The following SLCO6A1 variants were observed in gnomAD, a reference collection of about 807,000 sequenced individuals.
The protein encoded by SLCO6A1 is cancer/testis antigen 48.
In SLCO6A1, 65 loss-of-function variants were observed where a neutral mutation model predicts 72.7. That is an observed-to-expected ratio of 0.89 (90% CI 0.73 to 1.10). SLCO6A1 has a LOEUF of 1.10. Ranked by LOEUF, SLCO6A1 falls within the 50% of genes least tolerant of loss-of-function variation. The pLI, the probability that SLCO6A1 is intolerant of heterozygous loss-of-function variation, is 0.00. For missense variants in SLCO6A1, 874 were observed against 872.6 expected (o/e 1.00, Z -0.02); for synonymous variants, 314 against 298.2 (o/e 1.05, Z -0.55).
intron 4 of SLCO6A1, among the ~76,000 whole-genome samples, chr5:102,475,208 G>C (rs1482057947): frequency 6.6e-6 from 1 of 152,002 alleles, no homozygotes; most frequent in Non-Finnish European, 1.5e-5. Context: ...AAAAATGAAT[G>C]AATAAAGCCA....
At chr5:102,403,501 A>C (rs1747509014) in intron 9 of SLCO6A1, among the ~76,000 whole-genome samples, 2 of 152,192 alleles carry the variant, frequency 1.3e-5, no homozygotes, top group Admixed American at 6.5e-5. Flanking sequence ...TAAAAGAACA[A>C]AGTGCATAAA....
In SLCO6A1 at chr5:102,399,852, T is replaced by C. The variant is rs1747305161; in HGVS notation, c.1627-110A>G. 15 of 677,302 alleles carry C rather than the reference T, an allele frequency of 2.2e-5. No individual in the cohort carries two copies. The South Asian group carries it at 4.0e-4, about 18-fold the overall frequency. The allele number at this position is 677,302 out of a possible 1,614,324, so 42.0% of individuals were successfully genotyped here. A position where few individuals can be genotyped will look rare whatever the true frequency, so the allele number is the denominator to read the frequency against. On this transcript the variant is annotated intron_variant, in intron 9 of 13. Coordinates refer to ENST00000506729, the MANE Select transcript of SLCO6A1 (RefSeq NM_173488.5). ...TAACTGCAAGGAGACTCATTAGTTTTATTTCAAAATGTCTTTATATTAAGC... is the reference window on the plus strand; with the variant it reads ...TAACTGCAAGGAGACTCATTAGTTTCATTTCAAAATGTCTTTATATTAAGC...
At chr5:102,408,743 G>A (rs1357217206) in intron 9 of SLCO6A1, among the ~76,000 whole-genome samples, 1 of 151,822 alleles carries the variant, frequency 6.6e-6, no homozygotes, top group Non-Finnish European at 1.5e-5. Flanking sequence ...GTAAATAAAA[G>A]TCAATATTGA....
At chr5:102,479,395 T>C (rs1752071727) in intron 2 of SLCO6A1, among the ~76,000 whole-genome samples, 1 of 152,160 alleles carries the variant, frequency 6.6e-6, no homozygotes, top group Non-Finnish European at 1.5e-5. Context: ...GGTAGTTCTT[T>C]ATAGCAGTCT....
chr5:102,474,848 AC>A (rs1180515916), intron 4 of SLCO6A1, among the ~76,000 whole-genome samples: 2 of 152,052 alleles, frequency 1.3e-5, no homozygotes, highest in Non-Finnish European at 2.9e-5. Context: ...GCAAATAAAA[AC>A]CACAATAAGG....
At chr5:102,407,313 A>G (rs746164526) in intron 9 of SLCO6A1, among the ~76,000 whole-genome samples, 17 of 152,204 alleles carry the variant, frequency 1.1e-4, no homozygotes, top group Non-Finnish European at 2.2e-4. Flanking sequence ...GAAAGTGGAT[A>G]TAAATATACC....
chr5:102,421,488 T>C (rs552265976), intron 7 of SLCO6A1, among the ~76,000 whole-genome samples: 144 of 152,190 alleles, frequency 9.5e-4, no homozygotes, highest in African/African-American at 3.3e-3. Context: ...CCCCTCACAG[T>C]GTAAACAAAG....
chr5:102,380,913 C>T (rs760751171), intron 12 of SLCO6A1, among the ~76,000 whole-genome samples: 1 of 151,836 alleles, frequency 6.6e-6, no homozygotes, highest in Admixed American at 6.6e-5. Context: ...ATGCCAACCA[C>T]CAGTCCATGG....
chr5:102,427,030 C>T (rs768341435), intron 7 of SLCO6A1, among the ~76,000 whole-genome samples: 6 of 151,790 alleles, frequency 4.0e-5, no homozygotes, highest in Non-Finnish European at 5.9e-5. Flanking sequence ...GGAAATAAAA[C>T]ATCACATATT....
intron 10 of SLCO6A1, among the ~76,000 whole-genome samples, chr5:102,398,854 T>G (rs1580353985): frequency 6.6e-6 from 1 of 152,228 alleles, no homozygotes; most frequent in Non-Finnish European, 1.5e-5. Context: ...TCATTTATCT[T>G]TATAAGTCAT....
intron 6 of SLCO6A1, among the ~76,000 whole-genome samples, chr5:102,450,714 G>T (rs1007381294): frequency 6.6e-6 from 1 of 152,168 alleles, no homozygotes; most frequent in Non-Finnish European, 1.5e-5. Context: ...ATCTCTTGGG[G>T]CTCCACTCCA....
chr5:102,413,035 G>T lies in SLCO6A1; in HGVS notation c.1581C>A (p.Pro527=). 6.4e-7 allele frequency: 1 copy of T among 1,561,296 alleles called. No homozygotes were observed. The highest frequency in any genetic ancestry group is 8.6e-7 in the Non-Finnish European group (1 of 1,160,530). The change falls in exon 9 of 14, where the codon CCC becomes CCA. Residue 527 remains proline, a synonymous_variant. Transcript: ENST00000506729. ...TAGAATATGTACACCCTGCAAAGCA[G>T]GGAGAAAAATATTCAATATCATCTC... ...CGRDDIEYFS[P]CFAGCTYSKA... is the part of the protein sequence containing the mutation.
rs762072743 is a variant in SLCO6A1 at position 102,498,782 on chromosome 5, C to T, written c.63G>A (p.Pro21=). ...CAGGCTGGGCCCGCGCGGCCTCCAG[C>T]GGCTCTACTCCCCTTGAGACTTCAT... The part of the protein sequence containing the change: ...SQDEVSRGVE[P]LEAARAQPAK... The change falls in exon 1 of 14, where the codon CCG becomes CCA. Residue 21 remains proline, a synonymous_variant. Coordinates refer to ENST00000506729, the MANE Select transcript of SLCO6A1 (RefSeq NM_173488.5). The T allele has an allele frequency of 2.5e-6, 4 of 1,613,914 alleles. No homozygotes were observed. The African/African-American group carries it at 4.0e-5, about 16-fold the overall frequency.
At chr5:102,478,860 T>A (rs1259749829) in intron 2 of SLCO6A1, among the ~76,000 whole-genome samples, 1 of 152,186 alleles carries the variant, frequency 6.6e-6, no homozygotes, top group Non-Finnish European at 1.5e-5. Context: ...CCATGTGAAA[T>A]GATTTTGACT....
chr5:102,415,742 A>G (rs1441563640), intron 8 of SLCO6A1, among the ~76,000 whole-genome samples: 1 of 152,168 alleles, frequency 6.6e-6, no homozygotes, highest in Non-Finnish European at 1.5e-5. Flanking sequence ...TTGCACAGCA[A>G]AAGATATAAT....
chr5:102,392,700 AG>A (rs1307813950), intron 10 of SLCO6A1, among the ~76,000 whole-genome samples: 4 of 152,116 alleles, frequency 2.6e-5, no homozygotes, highest in African/African-American at 9.7e-5. Context: ...TTAACAAAAA[AG>A]CATTAACATT....
intron 12 of SLCO6A1, among the ~76,000 whole-genome samples, chr5:102,377,422 A>G (rs942312560): frequency 1.3e-5 from 2 of 152,086 alleles, no homozygotes; most frequent in African/African-American, 4.8e-5. Context: ...AGACCAAATA[A>G]AACTAAAATA....
At chr5:102,424,780 C>T (rs1249760904) in intron 7 of SLCO6A1, among the ~76,000 whole-genome samples, 1 of 152,126 alleles carries the variant, frequency 6.6e-6, no homozygotes, top group Non-Finnish European at 1.5e-5. Context: ...ATGAGGCCAG[C>T]ATCATCCAGA....
chr5:102,432,019 T>C (rs1326470674), intron 7 of SLCO6A1, among the ~76,000 whole-genome samples: 2 of 152,226 alleles, frequency 1.3e-5, no homozygotes, highest in Non-Finnish European at 2.9e-5. Flanking sequence ...TATTTGTTTA[T>C]TTAAAGTCTG....
Sources: allele counts gnomAD v4.1 joint callset (sites outside exome capture counted in the v4.1 genomes callset), GRCh38; gene constraint gnomAD v4.1.1; transcripts MANE v1.5; gene names NCBI Gene and HGNC (gene_info 2026-07-23, HGNC 2026-07-21).